The following CLCA1 variants were observed in gnomAD, a reference collection of about 807,000 sequenced individuals.
CLCA1 encodes the protein calcium-activated chloride channel regulator 1.
CLCA1 carries 59 observed loss-of-function variants against 85.6 expected under a neutral mutation model. The ratio of observed to expected loss-of-function variants is 0.69; its 90% confidence interval spans 0.56 to 0.86. The LOEUF is 0.86. Among genes scored for constraint, CLCA1 ranks in the 40% least tolerant of loss-of-function variants. CLCA1 has a pLI of 0.00. For synonymous variants in CLCA1, 396 were observed against 398.3 expected (o/e 0.99, Z 0.07); for missense variants, 1,022 against 1,101.4 (o/e 0.93, Z 1.02).
chr1:86,492,448 GA>G (rs1648162172), intron 9 of CLCA1, among the ~76,000 whole-genome samples: 1 of 146,572 alleles, frequency 6.8e-6, no homozygotes, highest in Non-Finnish European at 1.5e-5. Flanking sequence ...GAGAGAGAGA[GA>G]TGGAGAAATG....
rs749080579 is a variant in CLCA1 at position 86,498,557 on chromosome 1, AT to A, written c.2114-8del. 6.2e-6 allele frequency: 10 copies of A among 1,607,814 alleles called. No individual in the cohort carries two copies. Among genetic ancestry groups the A allele is most frequent in the African/African-American group, 2.7e-5 (2 of 74,714 alleles). On this transcript the variant is annotated splice_polypyrimidine_tract_variant and intron_variant, in intron 12 of 13. Transcript: ENST00000394711. ...TGATGTTGCTTACCATATTTTGAGTATTTTTTTAATGCAGATGAAATACAAT... is the reference window on the plus strand; with the variant it reads ...TGATGTTGCTTACCATATTTTGAGTATTTTTTAATGCAGATGAAATACAAT...
At chr1:86,473,683 A>ATTTGCTGAAACTT in intron 2 of CLCA1, 46 bp from the exon 3 acceptor site, 2 of 1,532,966 alleles carry the variant, frequency 1.3e-6, no homozygotes, top group East Asian at 4.5e-5. Flanking sequence ...TGGTTAATTC[A>ATTTGCTGAAACTT]TTTGCTGAAA....
intron 8 of CLCA1, among the ~76,000 whole-genome samples, chr1:86,489,583 G>T (rs2101742703): frequency 6.6e-6 from 1 of 152,266 alleles, no homozygotes; most frequent in Non-Finnish European, 1.5e-5. Flanking sequence ...TTTACCTGGA[G>T]AAAAAGCATT....
chr1:86,490,899 T>TAAAAAAAA (rs59948810), intron 8 of CLCA1, among the ~76,000 whole-genome samples: 22 of 89,654 alleles, frequency 2.5e-4, no homozygotes, highest in East Asian at 8.9e-4. Context: ...AACCCATCTC[T>TAAAAAAAA]AAAAAAAAAA....
chr1:86,487,603 C>G lies in CLCA1; in HGVS notation c.1182+850C>G, dbSNP rs145353604. 3.3e-5 allele frequency among the ~76,000 whole-genome samples: 5 copies of G among 152,258 alleles called. No individual in the cohort carries two copies. The East Asian group carries it at 9.7e-4, about 29-fold the overall frequency. On this transcript the variant is annotated intron_variant, in intron 7 of 13. Transcript: ENST00000394711. ...CCCTGGTCAGGTCTGCCCTGTGCTC[C>G]TTGCAGTGGTGTCTGCTGTGGCCAT...
chr1:86,473,781 C>T lies in CLCA1; in HGVS notation c.356C>T (p.Thr119Ile), dbSNP rs931906482. The T allele has an allele frequency of 6.2e-7, 1 of 1,612,862 alleles. No individual in the cohort carries two copies. The highest frequency in any genetic ancestry group is 1.7e-5 in the Admixed American group (1 of 59,904). Residue 119 changes from threonine (T) to isoleucine (I), a missense_variant, in exon 3 of 14, where the codon ACT (threonine) becomes ATT (isoleucine). Physicochemically the swap from Thr to Ile is moderately conservative, Grantham distance 89. Coordinates refer to ENST00000394711, the MANE Select transcript of CLCA1 (RefSeq NM_001285.4). ...STPPGNDEPY[T>I]EQMGNCGEKG... is the part of the protein sequence containing the mutation. ...CCTCCAGGTAATGATGAACCCTACA[C>T]TGAGCAGATGGGCAACTGTGGAGAG...
chr1:86,484,874 C>T lies in CLCA1; in HGVS notation c.736-469C>T, dbSNP rs1308380111. Among the ~76,000 whole-genome samples, 4 of 151,976 alleles carry T rather than the reference C, an allele frequency of 2.6e-5. No homozygotes were observed. The East Asian group carries it at 7.7e-4, about 29-fold the overall frequency. ...GAAAAGTGATAAGGTCAATAATGAA[C>T]ATGTGGAGTTTGAGGCGCATGTGAG... On this transcript the variant is annotated intron_variant, in intron 5 of 13. Transcript: ENST00000394711.
At position 86,499,670 on chromosome 1, in the gene CLCA1, T is replaced by C. The variant is rs765760417; in HGVS notation, c.2370T>C (p.Ile790=). The stretch of plus-strand genomic sequence containing the variant: ...TCTTTTTAGCTCACAAGTATATCAT[T>C]CGAATAAGTACAAGTATTCTTGATC... ...YDHGTAHKYI[I]RISTSILDLR... Residue 790 remains isoleucine (I), a synonymous_variant, in exon 14 of 14, where the codon ATT becomes ATC. Transcript: ENST00000394711. 1 of 1,583,540 alleles carries C rather than the reference T, an allele frequency of 6.3e-7. No individual in the cohort carries two copies. The highest frequency in any genetic ancestry group is 1.7e-4 in the Middle Eastern group (1 of 5,960).
chr1:86,494,490 AAGAAGCAACC>A, intron 11 of CLCA1, 42 bp downstream of exon 11: 1 of 1,604,684 alleles, frequency 6.2e-7, no homozygotes, highest in Non-Finnish European at 8.5e-7. Flanking sequence ...TTCTTTTTCC[AAGAAGCAACC>A]AGGGAATGCC....
intron 4 of CLCA1, 52 bp from the exon 5 acceptor site, chr1:86,482,153 A>C (rs1647837696): frequency 7.2e-7 from 1 of 1,389,190 alleles, no homozygotes; most frequent in Non-Finnish European, 1.0e-6. Flanking sequence ...ATAGACTCTG[A>C]CCCTTTGAAA....
intron 4 of CLCA1, 34 bp downstream of exon 4, chr1:86,476,587 A>G: frequency 9.2e-7 from 1 of 1,086,046 alleles, no homozygotes; most frequent in Non-Finnish European, 1.4e-6. Flanking sequence ...GTTCCAAACT[A>G]TTTTAAATTG....
chr1:86,494,154 T>C, intron 10 of CLCA1, 33 bp from the exon 11 acceptor site: 1 of 1,610,932 alleles, frequency 6.2e-7, no homozygotes, highest in Non-Finnish European at 8.5e-7. Flanking sequence ...CCTGAAGTTA[T>C]TCATTGGAAA....
intron 9 of CLCA1, among the ~76,000 whole-genome samples, chr1:86,492,251 A>T (rs897970121): frequency 1.3e-5 from 2 of 152,210 alleles, no homozygotes; most frequent in African/African-American, 2.4e-5. Context: ...GCATTTATTC[A>T]ATCTAGGAAG....
intron 4 of CLCA1, among the ~76,000 whole-genome samples, chr1:86,478,686 T>A (rs1647742754): frequency 6.6e-6 from 1 of 152,218 alleles, no homozygotes; most frequent in Non-Finnish European, 1.5e-5. Flanking sequence ...GCAGAAAGGG[T>A]GATTAGTAGT....
chr1:86,473,529 T>C lies in CLCA1; in HGVS notation c.275T>C (p.Val92Ala). 1.2e-6 allele frequency: 2 copies of C among 1,608,232 alleles called. No individual in the cohort carries two copies. Among genetic ancestry groups the C allele is most frequent in the Non-Finnish European group, 1.7e-6 (2 of 1,176,854 alleles). The stretch of plus-strand genomic sequence containing the variant: ...ACATGGAAGACAAAGGCTGACTATG[T>C]GAGACCAAAACTTGAGACCTACAAA... ...PETWKTKADY[V>A]RPKLETYKNA... Residue 92 changes from valine (V) to alanine (A), a missense_variant, in exon 2 of 14, where the codon GTG (valine) becomes GCG (alanine). Coordinates refer to ENST00000394711, the MANE Select transcript of CLCA1 (RefSeq NM_001285.4).
At chr1:86,497,198 A>G (rs1648314652) in intron 12 of CLCA1, among the ~76,000 whole-genome samples, 1 of 152,204 alleles carries the variant, frequency 6.6e-6, no homozygotes, top group South Asian at 2.1e-4. Context: ...CATATAACTA[A>G]TAGTGTTAGT....
rs761303422 is a variant in CLCA1, at chr1:86,486,749, T to A, written c.1178T>A (p.Phe393Tyr). Residue 393 changes from phenylalanine to tyrosine, a missense_variant, in exon 7 of 14, where the codon TTT (phenylalanine) becomes TAT (tyrosine). Coordinates refer to ENST00000394711, the MANE Select transcript of CLCA1 (RefSeq NM_001285.4). The part of the protein sequence containing the change: ...TSICSGLRSA[F>Y]TVIRKKYPTD... ...ATCTGCAGCGGGCTTCGATCGGCATTTACTGTGAGATGTGTTTTTCTATTG... is the reference window on the plus strand; with the variant it reads ...ATCTGCAGCGGGCTTCGATCGGCATATACTGTGAGATGTGTTTTTCTATTG... 2 of 1,613,836 alleles carry A rather than the reference T, an allele frequency of 1.2e-6. No individual in the cohort carries two copies. Among genetic ancestry groups the A allele is most frequent in the Non-Finnish European group, 1.7e-6 (2 of 1,179,704 alleles).
In CLCA1 at chr1:86,468,961, G is replaced by T. The variant is rs747130094; in HGVS notation, c.-11G>T. 5 of 1,591,816 alleles carry T rather than the reference G, an allele frequency of 3.1e-6. No homozygotes were observed. The South Asian group carries it at 5.8e-5, about 18-fold the overall frequency. On this transcript the variant is annotated 5_prime_UTR_variant, in exon 1 of 14. Transcript: ENST00000394711. The stretch of plus-strand genomic sequence containing the variant: ...TTTCCAAAGAGAGAAATCACAGGGA[G>T]ATGTACAGCAATGGGGCCATTTAAG...
chr1:86,470,105 T>C (rs942128314), intron 1 of CLCA1, among the ~76,000 whole-genome samples: 2 of 152,188 alleles, frequency 1.3e-5, no homozygotes, highest in Admixed American at 6.5e-5. Context: ...TCTCTCTAGA[T>C]GGAAAATTAA....
Sources: gnomAD v4.1 joint callset for allele counts (sites outside exome capture counted in the v4.1 genomes callset) on GRCh38, gnomAD v4.1.1 for gene constraint, MANE v1.5 for transcripts, NCBI Gene and HGNC (gene_info 2026-07-23, HGNC 2026-07-21) for gene names.